Variants in ROBO4 observed in about 807,000 individuals in gnomAD.
ROBO4 encodes the protein roundabout guidance receptor 4, also known as roundabout homolog 4.
In ROBO4, 80 loss-of-function variants were observed where a neutral mutation model predicts 103.3. The observed-to-expected ratio is 0.77, with a 90% confidence interval of 0.65 to 0.93. The LOEUF (loss-of-function observed/expected upper bound fraction) is 0.93, where lower values mean the gene tolerates loss of function less well. Among genes scored for constraint, ROBO4 ranks in the 40% least tolerant of loss-of-function variants. The pLI, the probability that ROBO4 is intolerant of heterozygous loss-of-function variation, is 0.00. For synonymous variants in ROBO4, 504 were observed against 529.7 expected (o/e 0.95, Z 0.67); for missense variants, 1,333 against 1,305.3 (o/e 1.02, Z -0.33).
chr11:124,885,098 CAG>C lies in ROBO4; in HGVS notation c.2942_2943del (p.Pro981ArgfsTer79), dbSNP rs747563394. On this transcript the variant is annotated frameshift_variant, in exon 17 of 18. Transcript: ENST00000306534. LOFTEE classifies it high-confidence loss of function. ...CTTCTCTGGGAAGAGATCTGAGAGT[CAG>C]GGGGCCAGGGAGGCATCCCCCTTCC... ...RLGRGMPPWP[P>X]DSQISSQRSQ... 4 of 1,614,140 alleles carry C rather than the reference CAG, an allele frequency of 2.5e-6. No homozygotes were observed. The highest frequency in any genetic ancestry group is 3.4e-6 in the Non-Finnish European group (4 of 1,180,024).
In ROBO4 at chr11:124,886,684, G is replaced by C. The variant is rs972551841; in HGVS notation, c.2574C>G (p.Cys858Trp). Residue 858 changes from cysteine (C) to tryptophan (W), a missense_variant, in exon 16 of 18, where the codon TGC (cysteine) becomes TGG (tryptophan). Coordinates refer to ENST00000306534, the MANE Select transcript of ROBO4 (RefSeq NM_019055.6). The part of the protein sequence containing the change: ...GVGPKGGVLL[C>W]PPRPCLTPTP... ...TGGGGGTGAGGCAGGGCCGAGGTGG[G>C]CACAGCAAGACTCCCCCCTTGGGCC... The C allele has an allele frequency of 1.2e-6, 2 of 1,612,590 alleles. No individual in the cohort carries two copies. The highest frequency in any genetic ancestry group is 2.7e-5 in the African/African-American group (2 of 74,892).
Position 124,885,088 on chromosome 11 carries a change from ATCTGAGAG to A in ROBO4, c.2946_2953del (p.Ser983LeufsTer75). ...GTGGAGCTGACTTCTCTGGGAAGAG[ATCTGAGAG>A]TCAGGGGGCCAGGGAGGCATCCCCC... On this transcript the variant is annotated frameshift_variant, in exon 17 of 18. Coordinates refer to ENST00000306534, the MANE Select transcript of ROBO4 (RefSeq NM_019055.6). LOFTEE classifies it high-confidence loss of function. The A allele has an allele frequency of 6.2e-7, 1 of 1,614,142 alleles. No individual in the cohort carries two copies. Among genetic ancestry groups the A allele is most frequent in the East Asian group, 2.2e-5 (1 of 44,878 alleles).
At position 124,884,567 on chromosome 11, in the gene ROBO4, A is replaced by G; in HGVS notation, c.*324T>C. 1 of 420,762 alleles carries G rather than the reference A, an allele frequency of 2.4e-6. No homozygotes were observed. Among genetic ancestry groups the G allele is most frequent in the African/African-American group, 2.0e-5 (1 of 50,274 alleles). The allele number at this position is 420,762 out of a possible 1,614,324, so 26.1% of individuals were successfully genotyped here. On this transcript the variant is annotated 3_prime_UTR_variant, in exon 18 of 18. Transcript: ENST00000306534. Reference sequence around the variant, plus strand: ...TGGCTCCTCCACTTCCTGTGATCCAAATGGTGGGGGAAGAGCAGCAGGCAG... The same window carrying G: ...TGGCTCCTCCACTTCCTGTGATCCAGATGGTGGGGGAAGAGCAGCAGGCAG...
In ROBO4 at chr11:124,886,759, G is replaced by A. The variant is rs1946720698; in HGVS notation, c.2499C>T (p.Val833=). ...TGTCCGTGAACTCTGAGGCTGTTGG[G>A]ACGCTGATGTACCCATAGGTGGTGG... ...SPPTTYGYIS[V]PTASEFTDMG... is the part of the protein sequence containing the mutation. The change falls in exon 16 of 18, where the codon GTC becomes GTT. Residue 833 remains valine (V), a synonymous_variant. Coordinates refer to ENST00000306534, the MANE Select transcript of ROBO4 (RefSeq NM_019055.6). 2 of 1,573,524 alleles carry A rather than the reference G, an allele frequency of 1.3e-6. No individual in the cohort carries two copies. The highest frequency in any genetic ancestry group is 1.3e-5 in the African/African-American group (1 of 74,322).
Position 124,893,906 on chromosome 11 carries a change from G to A in ROBO4, c.1458C>T (p.Ala486=), listed in dbSNP as rs74458892. The A allele has an allele frequency of 1.4e-3, 2,307 of 1,611,950 alleles. 49 individuals are homozygous for A. In the East Asian group the frequency reaches 0.044, roughly 31 times the overall value. ...CTCGGCGCCGGCGGTGGATACACAC[G>A]GCGGTGCCCAGAAGCAGCAGCCAGA... ...VALWLLLLGT[A]VCIHRRRRAR... The change falls in exon 9 of 18, where the codon GCC becomes GCT. Residue 486 remains alanine (A), a synonymous_variant. Transcript: ENST00000306534.
Position 124,895,443 on chromosome 11 carries a change from G to T in ROBO4, c.1036+14C>A. Reference sequence around the variant, plus strand: ...AGGGGATATTGTTGGCTTCTGAAGGGATCAGGCCCTGACCTTTTTCCGGCA... The same window carrying T: ...AGGGGATATTGTTGGCTTCTGAAGGTATCAGGCCCTGACCTTTTTCCGGCA... On this transcript the variant is annotated intron_variant, in intron 6 of 17. Coordinates refer to ENST00000306534, the MANE Select transcript of ROBO4 (RefSeq NM_019055.6). 2 of 1,605,758 alleles carry T rather than the reference G, an allele frequency of 1.2e-6. No homozygotes were observed. Among genetic ancestry groups the T allele is most frequent in the South Asian group, 1.1e-5 (1 of 90,896 alleles).
rs112424754 is a variant in ROBO4 at position 124,896,641 on chromosome 11, G to C, written c.430C>G (p.Arg144Gly). ...TCACCCACCACAGCCACCATGTCCC[G>C]AGGCTGGATCTGGAAATCCTCCCGG... Reference protein sequence around the residue: ...VLREDFQIQPRDMVAVVGEQF... With the variant: ...VLREDFQIQPGDMVAVVGEQF... The change falls in exon 3 of 18, where the codon CGG becomes GGG. Residue 144 changes from arginine (R) to glycine (G), a missense_variant. Transcript: ENST00000306534. 8.7e-6 allele frequency: 14 copies of C among 1,614,030 alleles called. No individual in the cohort carries two copies. The highest frequency in any genetic ancestry group is 1.2e-5 in the Non-Finnish European group (14 of 1,180,002).
In ROBO4 at chr11:124,884,272, T is replaced by C. The variant is rs1946676413; in HGVS notation, c.*619A>G. 6.5e-6 allele frequency: 1 copy of C among 153,322 alleles called. No homozygotes were observed. Among genetic ancestry groups the C allele is most frequent in the African/African-American group, 2.4e-5 (1 of 41,464 alleles). The allele number at this position is 153,322 out of a possible 1,614,324, so 9.5% of individuals were successfully genotyped here. ...TTTCTTAAGCTCATAGTGACAACAG[T>C]ACGAGGATGGTGCTTTTGACCTACG... On this transcript the variant is annotated 3_prime_UTR_variant, in exon 18 of 18. Transcript: ENST00000306534.
chr11:124,897,590 A>G, intron 1 of ROBO4, 136 bp downstream of exon 1: 1 of 720,700 alleles, frequency 1.4e-6, no homozygotes, highest in South Asian at 1.7e-5. Flanking sequence ...ACACTTACAC[A>G]CACTCATCAT....
At chr11:124,887,946 C>T (rs1946743640) in intron 12 of ROBO4, 106 bp from the exon 13 acceptor site, 1 of 886,744 alleles carries the variant, frequency 1.1e-6, no homozygotes, top group African/African-American at 1.7e-5. Context: ...CGACCCTGAA[C>T]CCAGAGAAAA....
intron 9 of ROBO4, 61 bp downstream of exon 9, chr11:124,893,799 C>T: frequency 6.2e-7 from 1 of 1,612,622 alleles, no homozygotes; most frequent in Non-Finnish European, 8.5e-7. Context: ...AAAGCCCCTG[C>T]ACCATTCTGG....
At chr11:124,897,698 A>C (rs565144297) in intron 1 of ROBO4, 28 bp downstream of exon 1, 1 of 1,610,418 alleles carries the variant, frequency 6.2e-7, no homozygotes, top group African/African-American at 1.3e-5. Context: ...ATGGAGGAGC[A>C]TGGGCCAGGA....
At chr11:124,887,266 C>T in intron 14 of ROBO4, 53 bp from the exon 15 acceptor site, 1 of 1,595,900 alleles carries the variant, frequency 6.3e-7, no homozygotes, top group Non-Finnish European at 8.5e-7. Flanking sequence ...TCTTCAAGTC[C>T]TTTCCCCCCT....
chr11:124,886,773 C>G lies in ROBO4; in HGVS notation c.2485G>C (p.Gly829Arg). The G allele has an allele frequency of 2.6e-6, 4 of 1,553,860 alleles. No homozygotes were observed. The highest frequency in any genetic ancestry group is 3.5e-6 in the Non-Finnish European group (4 of 1,147,366). ...PRAPSPPTTY[G>R]YISVPTASEF... ...GAGGCTGTTGGGACGCTGATGTACC[C>G]ATAGGTGGTGGGGGGTGAAGGAGCC... Residue 829 changes from glycine (G) to arginine (R), a missense_variant, in exon 16 of 18, where the codon GGG becomes CGG. Transcript: ENST00000306534.
rs748233835 is a variant in ROBO4, at chr11:124,886,560, A to G, written c.2698T>C (p.Phe900Leu). ...CGGGCAAAGTGAGCATCAGCGAGGA[A>G]GGAGCCATCGGAGGAGCTGACAAGG... ...ASLVSSSDGS[F>L]LADAHFARAL... The change falls in exon 16 of 18, where the codon TTC becomes CTC. Residue 900 changes from phenylalanine (F) to leucine (L), a missense_variant. Coordinates refer to ENST00000306534, the MANE Select transcript of ROBO4 (RefSeq NM_019055.6). 6.2e-7 allele frequency: 1 copy of G among 1,614,240 alleles called. No individual in the cohort carries two copies. The highest frequency in any genetic ancestry group is 8.5e-7 in the Non-Finnish European group (1 of 1,180,048).
chr11:124,895,612 C>T lies in ROBO4; in HGVS notation c.881G>A (p.Gly294Glu), dbSNP rs780081359. ...FRTQTAPGGQ[G>E]APWAEELLAG... is the part of the protein sequence containing the mutation. The stretch of plus-strand genomic sequence containing the variant: ...CAGCAGCTCCTCTGCCCACGGAGCT[C>T]CCTGGCCTCCCGGGGCAGTCTGGGT... The change falls in exon 6 of 18, where the codon GGA becomes GAA. Residue 294 changes from glycine to glutamate, a missense_variant. Coordinates refer to ENST00000306534, the MANE Select transcript of ROBO4 (RefSeq NM_019055.6). 2 of 1,613,772 alleles carry T rather than the reference C, an allele frequency of 1.2e-6. No individual in the cohort carries two copies. Among genetic ancestry groups the T allele is most frequent in the South Asian group, 1.1e-5 (1 of 91,076 alleles).
Position 124,887,418 on chromosome 11 carries a change from T to C in ROBO4, c.2138A>G (p.His713Arg). Residue 713 changes from histidine to arginine, a missense_variant, in exon 14 of 18, where the codon CAT (histidine) becomes CGT (arginine). His to Arg is a conservative substitution (Grantham distance 29). Coordinates refer to ENST00000306534, the MANE Select transcript of ROBO4 (RefSeq NM_019055.6). ...LSSSNELVTR[H>R]LPPAPLFPHE... ...AGGAAAGAGGGGTGCTGGAGGGAGA[T>C]GACGAGTAACCAGCTCATTTGAGGA... 2 of 1,613,952 alleles carry C rather than the reference T, an allele frequency of 1.2e-6. No individual in the cohort carries two copies. Among genetic ancestry groups the C allele is most frequent in the Non-Finnish European group, 1.7e-6 (2 of 1,179,956 alleles).
In ROBO4 at chr11:124,884,917, A is replaced by T. The variant is rs1946686194; in HGVS notation, c.3002-4T>A. 4 of 1,614,134 alleles carry T rather than the reference A, an allele frequency of 2.5e-6. No individual in the cohort carries two copies. The highest frequency in any genetic ancestry group is 1.6e-4 in the Middle Eastern group (1 of 6,062). Reference sequence around the variant, plus strand: ...CAGGAGTAATCTACAGGAGAAGCTGAAGGACAGTGGAGTTATCTCCCTTGC... The same window carrying T: ...CAGGAGTAATCTACAGGAGAAGCTGTAGGACAGTGGAGTTATCTCCCTTGC... On this transcript the variant is annotated splice_polypyrimidine_tract_variant and splice_region_variant and intron_variant, in intron 17 of 17. Transcript: ENST00000306534.
rs78533327 is a variant in ROBO4, at chr11:124,886,929, C to T, written c.2435+48G>A. The T allele has an allele frequency of 3.4e-3, 5,302 of 1,564,928 alleles. 48 individuals are homozygous for T. Among genetic ancestry groups the T allele is most frequent in the African/African-American group, 0.026 (1,913 of 73,800 alleles). On this transcript the variant is annotated intron_variant, in intron 15 of 17. Coordinates refer to ENST00000306534, the MANE Select transcript of ROBO4 (RefSeq NM_019055.6). The stretch of plus-strand genomic sequence containing the variant: ...GGCGGAATGGGTGGAGAGGCGCTTG[C>T]CCCCACAGCTTTTCTGTAGTTCTTT...
Sources: allele counts gnomAD v4.1 joint callset, GRCh38; gene constraint gnomAD v4.1.1; transcripts MANE v1.5; gene names NCBI Gene and HGNC (gene_info 2026-07-23, HGNC 2026-07-21).